Variants in NT5DC1 observed in about 807,000 individuals in gnomAD.
NT5DC1 encodes the protein 5'-nucleotidase domain-containing protein 1.
A neutral mutation model predicts 59.4 loss-of-function variants in NT5DC1; 42 were observed. The ratio of observed to expected loss-of-function variants is 0.71; its 90% CI spans 0.55 to 0.92. The LOEUF (loss-of-function observed/expected upper bound fraction) is 0.92, where lower values mean the gene tolerates loss of function less well. Among genes scored for constraint, NT5DC1 ranks in the 40% least tolerant of loss-of-function variants. The pLI is 0.00. For synonymous variants in NT5DC1, 172 were observed against 188.1 expected (o/e 0.91, Z 0.70); for missense variants, 501 against 537.1 (o/e 0.93, Z 0.66).
chr6:116,133,490 G>A lies in NT5DC1; in HGVS notation c.529+15545G>A, dbSNP rs566752016. Among the ~76,000 whole-genome samples, 12 of 152,228 alleles carry A rather than the reference G, an allele frequency of 7.9e-5. No individual in the cohort carries two copies. The South Asian group carries it at 2.1e-3, about 26-fold the overall frequency. ...AAAGTAAAGTACTTGTAGGGTACAC[G>A]AGTACCTGTAGAATATTAAGTACCT... On this transcript the variant is annotated intron_variant, in intron 6 of 11. Coordinates refer to ENST00000319550, the MANE Select transcript of NT5DC1 (RefSeq NM_152729.3).
At chr6:116,116,608 C>G (rs1002443241) in intron 5 of NT5DC1, among the ~76,000 whole-genome samples, 2 of 152,144 alleles carry the variant, frequency 1.3e-5, no homozygotes, top group African/African-American at 4.8e-5. Flanking sequence ...CGCCACTGCA[C>G]TCTAGCCTGG....
At chr6:116,126,741 A>G (rs1342103455) in intron 6 of NT5DC1, among the ~76,000 whole-genome samples, 1 of 152,138 alleles carries the variant, frequency 6.6e-6, no homozygotes, top group Non-Finnish European at 1.5e-5. Context: ...TTAGAGTTGC[A>G]GTAGAGTTTG....
At chr6:116,199,470 TG>T (rs1415863738) in intron 6 of NT5DC1, among the ~76,000 whole-genome samples, 1 of 152,062 alleles carries the variant, frequency 6.6e-6, no homozygotes, top group Non-Finnish European at 1.5e-5. Flanking sequence ...TCATCAATGT[TG>T]TGGAAAGAGA....
intron 7 of NT5DC1, among the ~76,000 whole-genome samples, chr6:116,221,877 A>G (rs943001508): frequency 2.0e-5 from 3 of 152,198 alleles, no homozygotes; most frequent in Non-Finnish European, 2.9e-5. Flanking sequence ...TTAGACAGGA[A>G]TAGTTGATAG....
rs762381131 is a variant in NT5DC1 at position 116,238,299 on chromosome 6, G to T, written c.1034G>T (p.Ser345Ile). 1.9e-6 allele frequency: 3 copies of T among 1,613,364 alleles called. No individual in the cohort carries two copies. Among genetic ancestry groups the T allele is most frequent in the Non-Finnish European group, 8.5e-7 (1 of 1,179,634 alleles). ...EELRGDEGTR[S>I]QRPEESEPLE... ...CTCAGAGGGGATGAAGGCACGAGGA[G>T]TCAGAGGCCTGAGGAGTCAGAGCCT... Residue 345 changes from serine (S) to isoleucine (I), a missense_variant, in exon 10 of 12, where the codon AGT becomes ATT. By Grantham distance (142) the Ser-to-Ile change is moderately radical. Coordinates refer to ENST00000319550, the MANE Select transcript of NT5DC1 (RefSeq NM_152729.3).
intron 6 of NT5DC1, among the ~76,000 whole-genome samples, chr6:116,161,271 G>C (rs1001328007): frequency 6.6e-6 from 1 of 151,610 alleles, no homozygotes; most frequent in South Asian, 2.1e-4. Context: ...CAGTGCACCA[G>C]CATGGCACAT....
At chr6:116,121,336 T>C in intron 6 of NT5DC1, 1 of 1,614,110 alleles carries the variant, frequency 6.2e-7, no homozygotes, top group Admixed American at 1.7e-5. Flanking sequence ...CAATGCCTTC[T>C]GGCCCTCGTT....
In NT5DC1 at chr6:116,121,100, G is replaced by A. The variant is rs373185008; in HGVS notation, c.529+3155G>A. 125 of 1,613,872 alleles carry A rather than the reference G, an allele frequency of 7.7e-5. 5 individuals are homozygous for A. In the Middle Eastern group the frequency reaches 0.01, roughly 130 times the overall value. ...TCCTTGGGGTCCCATATTCCCAGGG[G>A]GTCCAGTCAGACCTGGCTTCCCAGG... On this transcript the variant is annotated intron_variant, in intron 6 of 11. Coordinates refer to ENST00000319550, the MANE Select transcript of NT5DC1 (RefSeq NM_152729.3).
In NT5DC1 at chr6:116,160,891, C is replaced by T. The variant is rs1356615394; in HGVS notation, c.529+42946C>T. Among the ~76,000 whole-genome samples the T allele has an allele frequency of 3.9e-5, 6 of 152,028 alleles. No individual in the cohort carries two copies. In the East Asian group the frequency reaches 9.6e-4, roughly 24 times the overall value. On this transcript the variant is annotated intron_variant, in intron 6 of 11. Transcript: ENST00000319550. ...ATGCTGCTATAAAGACACATGCACA[C>T]GTATGTTTATTGCGGTATTATTCAC...
At chr6:116,239,414 G>A (rs965001604) in intron 11 of NT5DC1, among the ~76,000 whole-genome samples, 1 of 152,116 alleles carries the variant, frequency 6.6e-6, no homozygotes, top group African/African-American at 2.4e-5. Flanking sequence ...TGGCATTTGA[G>A]GCTGCTTTTC....
chr6:116,108,507 C>T (rs1049072598), intron 3 of NT5DC1, 72 bp downstream of exon 3: 2 of 841,246 alleles, frequency 2.4e-6, no homozygotes, highest in East Asian at 2.4e-5. Flanking sequence ...GGCATATGAC[C>T]CTTACAGTAT....
intron 6 of NT5DC1, among the ~76,000 whole-genome samples, chr6:116,172,317 C>CTTTTTTTTTT (rs71554843): frequency 1.9e-5 from 2 of 108,026 alleles, no homozygotes. Context: ...CCCTTAGTAA[C>CTTTTTTTTTT]TTTTTTTTTT....
intron 6 of NT5DC1, chr6:116,121,304 G>T: frequency 6.2e-7 from 1 of 1,613,984 alleles, no homozygotes; most frequent in Non-Finnish European, 8.5e-7. Flanking sequence ...CTGGCCTGGG[G>T]CTCCAGCAGC....
chr6:116,170,250 A>G (rs567690106), intron 6 of NT5DC1, among the ~76,000 whole-genome samples: 1 of 151,844 alleles, frequency 6.6e-6, no homozygotes, highest in South Asian at 2.1e-4. Context: ...TTGTGTCCCC[A>G]CCAGTGATTG....
intron 6 of NT5DC1, among the ~76,000 whole-genome samples, chr6:116,197,718 G>C (rs549368858): frequency 6.6e-6 from 1 of 152,022 alleles, no homozygotes; most frequent in South Asian, 2.1e-4. Flanking sequence ...CTTGATAATG[G>C]TATTTATCTC....
chr6:116,234,098 C>T (rs1000795197), intron 8 of NT5DC1, among the ~76,000 whole-genome samples: 4 of 148,778 alleles, frequency 2.7e-5, no homozygotes, highest in African/African-American at 7.4e-5. Flanking sequence ...GTAGCTGGGA[C>T]TACAGGCACG....
chr6:116,177,504 A>T (rs1780761359), intron 6 of NT5DC1, among the ~76,000 whole-genome samples: 1 of 152,148 alleles, frequency 6.6e-6, no homozygotes, highest in Admixed American at 6.5e-5. Context: ...TTTTCTACTT[A>T]AATGTAAGCC....
intron 6 of NT5DC1, among the ~76,000 whole-genome samples, chr6:116,152,408 GA>G (rs576268261): frequency 2.0e-5 from 3 of 151,048 alleles, no homozygotes; most frequent in African/African-American, 7.3e-5. Context: ...TCAAAAATAA[GA>G]AAAAAAAATT....
chr6:116,143,920 T>G (rs1416518025), intron 6 of NT5DC1, among the ~76,000 whole-genome samples: 1 of 152,198 alleles, frequency 6.6e-6, no homozygotes, highest in Non-Finnish European at 1.5e-5. Context: ...ACCAAAATAT[T>G]TGTAATGCTT....
Sources: gnomAD v4.1 joint callset for allele counts (sites outside exome capture counted in the v4.1 genomes callset) on GRCh38, gnomAD v4.1.1 for gene constraint, MANE v1.5 for transcripts, NCBI Gene and HGNC (gene_info 2026-07-23, HGNC 2026-07-21) for gene names.